NEGR1: variants seen among roughly 807,000 people sequenced by gnomAD.
NEGR1 encodes IgLON family member 4.
NEGR1 carries 10 observed loss-of-function variants against 40.9 expected under a neutral mutation model. The ratio of observed to expected loss-of-function variants is 0.24; its 90% confidence interval spans 0.15 to 0.42. The LOEUF (loss-of-function observed/expected upper bound fraction) is 0.42. Ranked by LOEUF, NEGR1 falls within the 10% of genes least tolerant of loss-of-function variation. NEGR1 has a pLI of 1.00. For synonymous variants in NEGR1, 185 were observed against 166.8 expected, an observed-to-expected ratio of 1.11 and a Z score of -0.84; for missense variants, 352 against 438.9, an observed-to-expected ratio of 0.80 and a Z score of 1.77.
chr1:71,753,171 A>G (rs1038377004), intron 3 of NEGR1, among the ~76,000 whole-genome samples: 2 of 152,180 alleles, frequency 1.3e-5, no homozygotes, highest in African/African-American at 4.8e-5. Flanking sequence ...AGGTTTAACT[A>G]AGAAAATTAA....
chr1:71,670,489 T>A (rs1356839650), intron 4 of NEGR1, among the ~76,000 whole-genome samples: 1 of 152,212 alleles, frequency 6.6e-6, no homozygotes, highest in East Asian at 1.9e-4. Context: ...CTTGAGTTCA[T>A]GTCTTCCAAC....
Position 71,938,008 on chromosome 1 carries a change from T to C in NEGR1, c.177-2697A>G, listed in dbSNP as rs1645923784. Among the ~76,000 whole-genome samples the C allele has an allele frequency of 2.6e-5, 4 of 152,126 alleles. No individual in the cohort carries two copies. The South Asian group carries it at 8.3e-4, about 32-fold the overall frequency. ...AGAATGGAATTCAATTTCTTCATGA[T>C]GAAAAAAATGAAAAAAGGGATCATT... On this transcript the variant is annotated intron_variant, in intron 1 of 6. Transcript: ENST00000357731.
chr1:72,023,663 T>TACCAAATAATTACTG (rs1325883621), intron 1 of NEGR1, among the ~76,000 whole-genome samples: 1 of 125,876 alleles, frequency 7.9e-6, no homozygotes, highest in South Asian at 2.3e-4. Flanking sequence ...AAAAAAAACT[T>TACCAAATAATTACTG]AACAAATAAC....
chr1:72,261,017 T>G (rs1033833099), intron 1 of NEGR1, among the ~76,000 whole-genome samples: 1 of 152,124 alleles, frequency 6.6e-6, no homozygotes, highest in African/African-American at 2.4e-5. Flanking sequence ...ATACAGTTAG[T>G]TGAATTTTAG....
chr1:71,434,636 GT>G (rs1646494257), intron 6 of NEGR1, among the ~76,000 whole-genome samples: 2 of 152,218 alleles, frequency 1.3e-5, no homozygotes, highest in Admixed American at 6.5e-5. Context: ...AAGTGCCATA[GT>G]GATGCTGGAA....
intron 1 of NEGR1, among the ~76,000 whole-genome samples, chr1:72,106,116 T>C (rs1001739477): frequency 1.3e-5 from 2 of 152,030 alleles, no homozygotes; most frequent in African/African-American, 4.8e-5. Context: ...TGAAGGTAAG[T>C]ACAAGAAAAT....
At chr1:71,942,084 C>CA (rs1382038325) in intron 1 of NEGR1, among the ~76,000 whole-genome samples, 1 of 145,926 alleles carries the variant, frequency 6.9e-6, no homozygotes, top group Non-Finnish European at 1.5e-5. Flanking sequence ...TGTGTAATAG[C>CA]AAAAAAGAAA....
chr1:71,756,366 TC>T (rs2101693487), intron 3 of NEGR1, among the ~76,000 whole-genome samples: 1 of 134,572 alleles, frequency 7.4e-6, no homozygotes, highest in African/African-American at 2.8e-5. Context: ...TTTCACAACT[TC>T]CCCTTAAATC....
At chr1:71,472,478 T>A (rs1646788941) in intron 6 of NEGR1, 2 of 152,158 alleles carry the variant, frequency 1.3e-5, no homozygotes, top group African/African-American at 2.4e-5. Context: ...CTGGGACTTG[T>A]GTCTCATAAA....
intron 1 of NEGR1, among the ~76,000 whole-genome samples, chr1:72,072,156 C>T (rs1257902260): frequency 6.6e-6 from 1 of 152,036 alleles, no homozygotes; most frequent in African/African-American, 2.4e-5. Flanking sequence ...TATAAGGATC[C>T]CTAATATAAC....
At chr1:71,919,950 T>G (rs1645687729) in intron 2 of NEGR1, among the ~76,000 whole-genome samples, 1 of 152,172 alleles carries the variant, frequency 6.6e-6, no homozygotes, top group Non-Finnish European at 1.5e-5. Flanking sequence ...CTTCTTAATC[T>G]GGGGAAGCTC....
At chr1:72,068,626 C>T (rs766470236) in intron 1 of NEGR1, among the ~76,000 whole-genome samples, 2 of 152,096 alleles carry the variant, frequency 1.3e-5, no homozygotes, top group Non-Finnish European at 2.9e-5. Context: ...GTGCTTCTAC[C>T]TCAGTGTTTT....
intron 1 of NEGR1, among the ~76,000 whole-genome samples, chr1:71,954,379 G>A (rs560015836): frequency 1.3e-5 from 2 of 151,918 alleles, no homozygotes; most frequent in East Asian, 3.9e-4. Context: ...ATGTTTCAGA[G>A]TACATAAGGT....
intron 1 of NEGR1, among the ~76,000 whole-genome samples, chr1:72,029,069 C>G (rs1223871049): frequency 2.0e-5 from 3 of 151,978 alleles, no homozygotes; most frequent in Non-Finnish European, 4.4e-5. Flanking sequence ...CCAGATCAAC[C>G]AATTATTTAG....
chr1:72,085,569 C>T (rs916733404), intron 1 of NEGR1, among the ~76,000 whole-genome samples: 10 of 152,138 alleles, frequency 6.6e-5, no homozygotes, highest in African/African-American at 2.2e-4. Context: ...GCTGTCTTTC[C>T]ATATTCCCTA....
chr1:71,604,460 CA>C (rs1403939186), intron 5 of NEGR1, among the ~76,000 whole-genome samples: 1 of 151,990 alleles, frequency 6.6e-6, no homozygotes, highest in South Asian at 2.1e-4. Context: ...AGTCCTGCAG[CA>C]AAGTAAATAC....
At chr1:72,098,701 C>T (rs895819045) in intron 1 of NEGR1, among the ~76,000 whole-genome samples, 3 of 152,188 alleles carry the variant, frequency 2.0e-5, no homozygotes, top group Admixed American at 6.6e-5. Flanking sequence ...TTTTTCCTTA[C>T]TGAACTAAAT....
intron 2 of NEGR1, among the ~76,000 whole-genome samples, chr1:71,818,158 A>G (rs1658295784): frequency 6.6e-6 from 1 of 152,156 alleles, no homozygotes; most frequent in South Asian, 2.1e-4. Context: ...TAGAATTACC[A>G]TTCGACCCAG....
intron 4 of NEGR1, among the ~76,000 whole-genome samples, chr1:71,676,265 T>C (rs1242056735): frequency 6.6e-6 from 1 of 152,132 alleles, no homozygotes; most frequent in African/African-American, 2.4e-5. Context: ...AAAATGTTCT[T>C]CTATTATGCC....
Sources: gnomAD v4.1 joint callset for allele counts (sites outside exome capture counted in the v4.1 genomes callset) on GRCh38, gnomAD v4.1.1 for gene constraint, MANE v1.5 for transcripts, NCBI Gene and HGNC (gene_info 2026-07-23, HGNC 2026-07-21) for gene names.